PDE4D: variants seen among roughly 807,000 people sequenced by gnomAD.
The protein encoded by PDE4D is phosphodiesterase 4D.
A neutral mutation model predicts 87.4 loss-of-function variants in PDE4D; 24 were observed. That is an observed-to-expected ratio of 0.27 (90% CI 0.20 to 0.39). PDE4D has a LOEUF of 0.39. PDE4D is among the 10% of genes least tolerant of loss of function. The pLI is 1.00. For missense variants in PDE4D, 714 were observed against 1,041.0 expected, an observed-to-expected ratio of 0.69 and a Z score of 4.32; for synonymous variants, 384 against 383.2, an observed-to-expected ratio of 1.00 and a Z score of -0.02.
chr5:59,696,250 A>G (rs1029713516), intron 1 of PDE4D, among the ~76,000 whole-genome samples: 1 of 152,184 alleles, frequency 6.6e-6, no homozygotes, highest in African/African-American at 2.4e-5. Context: ...GCCAGGATTC[A>G]ACTCAGGCCA....
At chr5:59,110,375 G>A (rs1772399182) in intron 5 of PDE4D, among the ~76,000 whole-genome samples, 1 of 152,052 alleles carries the variant, frequency 6.6e-6, no homozygotes, top group Non-Finnish European at 1.5e-5. Flanking sequence ...TTCCCTAGGC[G>A]ATACCCCTAG....
intron 1 of PDE4D, among the ~76,000 whole-genome samples, chr5:59,743,733 G>A (rs1344508551): frequency 6.6e-6 from 1 of 152,106 alleles, no homozygotes; most frequent in South Asian, 2.1e-4. Context: ...TCTCTCAAAA[G>A]CAGACTCATA....
intron 1 of PDE4D, among the ~76,000 whole-genome samples, chr5:59,855,445 T>A (rs1303835216): frequency 6.6e-6 from 1 of 152,132 alleles, no homozygotes. Flanking sequence ...AGAGTGTATG[T>A]CACAAAAATG....
At chr5:60,266,914 C>T (rs80023026) in intron 1 of PDE4D, among the ~76,000 whole-genome samples, 128 of 152,298 alleles carry the variant, frequency 8.4e-4, no homozygotes, top group African/African-American at 3.0e-3. Context: ...TCATCTTGAG[C>T]AGATGTAGAG....
In PDE4D at chr5:59,327,451, A is replaced by G. The variant is rs542620472; in HGVS notation, c.456-111483T>C. Among the ~76,000 whole-genome samples the G allele has an allele frequency of 2.9e-3, 436 of 152,242 alleles. 4 individuals carry two copies. The highest frequency in any genetic ancestry group is 0.01 in the African/African-American group (420 of 41,550). On this transcript the variant is annotated intron_variant, in intron 1 of 14. Coordinates refer to ENST00000340635, the MANE Select transcript of PDE4D (RefSeq NM_001104631.2). ...ACAGGATGATGAACAAGTGCAAATGAGCTACCTTAAGAAAGCGATAGCACA... is the reference window on the plus strand; with the variant it reads ...ACAGGATGATGAACAAGTGCAAATGGGCTACCTTAAGAAAGCGATAGCACA...
intron 5 of PDE4D, among the ~76,000 whole-genome samples, chr5:59,107,832 G>A (rs967563575): frequency 3.3e-5 from 5 of 152,216 alleles, no homozygotes; most frequent in African/African-American, 7.2e-5. Flanking sequence ...CATTAAGAAA[G>A]CCTGGCTTTT....
intron 1 of PDE4D, among the ~76,000 whole-genome samples, chr5:59,551,113 A>G (rs1481314800): frequency 6.6e-6 from 1 of 152,046 alleles, no homozygotes; most frequent in African/African-American, 2.4e-5. Flanking sequence ...ATGTGTAGAA[A>G]AATTTGATTC....
At chr5:59,171,617 T>G (rs1051487759) in intron 5 of PDE4D, among the ~76,000 whole-genome samples, 1 of 151,762 alleles carries the variant, frequency 6.6e-6, no homozygotes, top group Non-Finnish European at 1.5e-5. Flanking sequence ...TCCCCTGATA[T>G]GGACAGGCAT....
At chr5:60,120,190 T>C (rs1778550167) in intron 2 of PDE4D, among the ~76,000 whole-genome samples, 1 of 152,212 alleles carries the variant, frequency 6.6e-6, no homozygotes, top group African/African-American at 2.4e-5. Context: ...TCTTCTCCAA[T>C]ATGTCCATTG....
At chr5:60,271,751 G>A (rs1355494333) in intron 1 of PDE4D, among the ~76,000 whole-genome samples, 20 of 152,184 alleles carry the variant, frequency 1.3e-4, no homozygotes. Flanking sequence ...GCCTTAGTCT[G>A]AGTTACACGC....
At chr5:59,039,070 G>A (rs1295730595) in intron 5 of PDE4D, 99 bp from the exon 6 acceptor site, 4 of 1,495,398 alleles carry the variant, frequency 2.7e-6, no homozygotes, top group South Asian at 2.6e-5. Context: ...CGCCATGCTC[G>A]GATGCCCGGT....
intron 6 of PDE4D, among the ~76,000 whole-genome samples, chr5:59,000,303 ACTG>A (rs1750226872): frequency 6.6e-6 from 1 of 152,142 alleles, no homozygotes; most frequent in Admixed American, 6.5e-5. Flanking sequence ...CCAAATAAAA[ACTG>A]CTCCAAAAAT....
At chr5:60,076,349 G>T (rs1389176427) in intron 2 of PDE4D, among the ~76,000 whole-genome samples, 2 of 152,024 alleles carry the variant, frequency 1.3e-5, no homozygotes, top group African/African-American at 2.4e-5. Flanking sequence ...TAGTAGAGAT[G>T]GGGTTTCACC....
At chr5:59,940,186 C>A (rs1757030481) in intron 3 of PDE4D, among the ~76,000 whole-genome samples, 1 of 152,192 alleles carries the variant, frequency 6.6e-6, no homozygotes, top group Non-Finnish European at 1.5e-5. Context: ...CAGATCCAGG[C>A]ATGAAATGAG....
chr5:60,144,541 T>C (rs531335711), intron 2 of PDE4D, among the ~76,000 whole-genome samples: 3 of 152,348 alleles, frequency 2.0e-5, no homozygotes, highest in African/African-American at 7.2e-5. Context: ...TGCTATTCCA[T>C]TAAAAAGATT....
chr5:60,448,766 T>C (rs1745853208), intron 1 of PDE4D: 2 of 152,140 alleles, frequency 1.3e-5, no homozygotes, highest in Non-Finnish European at 2.9e-5. Flanking sequence ...TCCCATCTAA[T>C]CTCAGTGCTT....
At chr5:59,366,702 AT>A (rs1448316921) in intron 1 of PDE4D, among the ~76,000 whole-genome samples, 1 of 152,164 alleles carries the variant, frequency 6.6e-6, no homozygotes, top group Non-Finnish European at 1.5e-5. Context: ...CTTTTGATAT[AT>A]TTTAAATGAA....
At chr5:59,599,602 C>G (rs963309777) in intron 1 of PDE4D, among the ~76,000 whole-genome samples, 2 of 152,076 alleles carry the variant, frequency 1.3e-5, no homozygotes, top group East Asian at 1.9e-4. Context: ...CAATAGAGAC[C>G]TTTGCATTCA....
intron 1 of PDE4D, among the ~76,000 whole-genome samples, chr5:59,490,546 T>A (rs1334418309): frequency 6.6e-6 from 1 of 152,200 alleles, no homozygotes. Context: ...AAATAATCCA[T>A]GCAGGTAATT....
Sources: gnomAD v4.1 joint callset for allele counts (sites outside exome capture counted in the v4.1 genomes callset) on GRCh38, gnomAD v4.1.1 for gene constraint, MANE v1.5 for transcripts, NCBI Gene and HGNC (gene_info 2026-07-23, HGNC 2026-07-21) for gene names.